Variants in ATF2 observed in about 807,000 individuals in gnomAD.
ATF2 encodes the protein activating transcription factor 2, also known as cyclic AMP-dependent transcription factor ATF-2.
Under a neutral mutation model 60.6 loss-of-function variants are expected in ATF2, and 24 were observed. The observed-to-expected ratio is 0.40, with a 90% confidence interval of 0.29 to 0.56. The LOEUF (loss-of-function observed/expected upper bound fraction) is 0.56, where lower values mean the gene tolerates loss of function less well. Among genes scored for constraint, ATF2 ranks in the 20% least tolerant of loss-of-function variants. The pLI is 0.54. For synonymous variants in ATF2, 206 were observed against 215.4 expected, an observed-to-expected ratio of 0.96 and a Z score of 0.38; for missense variants, 433 against 607.7, an observed-to-expected ratio of 0.71 and a Z score of 3.02.
intron 12 of ATF2, among the ~76,000 whole-genome samples, chr2:175,081,826 G>T (rs1338850511): frequency 6.6e-6 from 1 of 152,218 alleles, no homozygotes; most frequent in African/African-American, 2.4e-5. Context: ...CGAGGCAGTT[G>T]TATCACTTGA....
chr2:175,118,262 C>T lies in ATF2; in HGVS notation c.307G>A (p.Asp103Asn). Residue 103 changes from aspartate to asparagine, a missense_variant, in exon 6 of 14, where the codon GAC becomes AAC. Asp to Asn is a conservative substitution (Grantham distance 23). Coordinates refer to ENST00000264110, the MANE Select transcript of ATF2 (RefSeq NM_001880.4). ...ENEFKKASEDDIKKMPLDLSP... is the reference protein window; with the variant it reads ...ENEFKKASEDNIKKMPLDLSP... ...TGGTTACAACATACTTTTTTAATGT[C>T]ATCTTCTGAAGCTTTCTTGAATTCA... 1 of 1,606,582 alleles carries T rather than the reference C, an allele frequency of 6.2e-7. No individual in the cohort carries two copies. The highest frequency in any genetic ancestry group is 8.5e-7 in the Non-Finnish European group (1 of 1,176,874).
intron 1 of ATF2, among the ~76,000 whole-genome samples, chr2:175,155,761 T>A (rs1181922812): frequency 1.3e-5 from 2 of 152,184 alleles, no homozygotes; most frequent in Non-Finnish European, 2.9e-5. Context: ...AACTTCCAAC[T>A]GTGAAATGAA....
intron 10 of ATF2, 119 bp downstream of exon 10, chr2:175,111,449 A>G (rs1696182535): frequency 2.2e-6 from 2 of 911,954 alleles, no homozygotes; most frequent in African/African-American, 3.4e-5. Context: ...CTATAGTATA[A>G]AACAGTCCGT....
intron 1 of ATF2, among the ~76,000 whole-genome samples, chr2:175,154,907 AT>A (rs1699572593): frequency 1.3e-5 from 2 of 152,354 alleles, no homozygotes; most frequent in Non-Finnish European, 2.9e-5. Flanking sequence ...TGAGAAAGGA[AT>A]TAATCCTCTC....
At chr2:175,089,192 A>C (rs547182721) in intron 12 of ATF2, among the ~76,000 whole-genome samples, 86 of 151,548 alleles carry the variant, frequency 5.7e-4, no homozygotes, top group Non-Finnish European at 2.6e-4. Context: ...AAAAAAAAAA[A>C]CAATAATTTA....
At chr2:175,085,553 TACACACACACACACACACAC>T (rs56804408) in intron 12 of ATF2, among the ~76,000 whole-genome samples, 1,814 of 141,418 alleles carry the variant, frequency 0.013, 39 homozygotes, top group African/African-American at 0.047. Context: ...ATACATAACA[TACACACACACACACACACAC>T]ACACACACAC....
At chr2:175,143,676 T>A (rs1415583275) in intron 2 of ATF2, among the ~76,000 whole-genome samples, 1 of 152,202 alleles carries the variant, frequency 6.6e-6, no homozygotes, top group African/African-American at 2.4e-5. Flanking sequence ...AACATTTTTG[T>A]CATATTAGTA....
chr2:175,156,298 G>C lies in ATF2; in HGVS notation c.-142-5140C>G, dbSNP rs1269436626. ...AGGCAGGAAAATTGCTTTAACCTGG[G>C]AGGCGGAGGTTGCAGTGAGCCGAGA... On this transcript the variant is annotated intron_variant, in intron 1 of 13. Transcript: ENST00000264110. Among the ~76,000 whole-genome samples the C allele has an allele frequency of 2.0e-5, 3 of 149,712 alleles. No homozygotes were observed. The Admixed American group carries it at 2.0e-4, about 10-fold the overall frequency.
chr2:175,084,159 C>T (rs1205410), intron 12 of ATF2, among the ~76,000 whole-genome samples: 14,544 of 151,974 alleles, frequency 0.096, 777 homozygotes, highest in Middle Eastern at 0.17. Flanking sequence ...ACCCAAAGGA[C>T]TATAAATCAT....
intron 10 of ATF2, among the ~76,000 whole-genome samples, chr2:175,105,496 T>C (rs1695592311): frequency 2.0e-5 from 3 of 152,348 alleles, no homozygotes; most frequent in South Asian, 4.1e-4. Context: ...TTTAAGATCA[T>C]GTCTATTGAA....
At chr2:175,119,141 A>C (rs1437764245) in intron 5 of ATF2, among the ~76,000 whole-genome samples, 1 of 151,712 alleles carries the variant, frequency 6.6e-6, no homozygotes, top group Admixed American at 6.6e-5. Context: ...TATAGGCTAC[A>C]AAAAATGCCA....
chr2:175,106,466 C>T (rs1695672057), intron 10 of ATF2, among the ~76,000 whole-genome samples: 1 of 151,718 alleles, frequency 6.6e-6, no homozygotes, highest in Non-Finnish European at 1.5e-5. Context: ...GGGGAGGCTG[C>T]AGTGAGCCAA....
intron 4 of ATF2, chr2:175,126,803 T>C (rs539862941): frequency 6.6e-6 from 1 of 152,292 alleles, no homozygotes; most frequent in South Asian, 2.1e-4. Flanking sequence ...GTCCAAAGGC[T>C]GGCCCTAGAA....
intron 12 of ATF2, 39 bp downstream of exon 12, chr2:175,093,022 A>C (rs377314158): frequency 6.3e-7 from 1 of 1,583,618 alleles, no homozygotes; most frequent in Non-Finnish European, 8.6e-7. Flanking sequence ...ACAATTATTA[A>C]AAAAGAAATA....
rs781382584 is a variant in ATF2 at position 175,074,458 on chromosome 2, C to T, written c.*151G>A. ...AACCGTTTTTCAGTCTGATCAACTGCTGCTACACCAACTTTAGAGCCAAAT... is the reference window on the plus strand; with the variant it reads ...AACCGTTTTTCAGTCTGATCAACTGTTGCTACACCAACTTTAGAGCCAAAT... On this transcript the variant is annotated 3_prime_UTR_variant, in exon 14 of 14. Coordinates refer to ENST00000264110, the MANE Select transcript of ATF2 (RefSeq NM_001880.4). 201 of 964,788 alleles carry T rather than the reference C, an allele frequency of 2.1e-4. No homozygotes were observed. Among genetic ancestry groups the T allele is most frequent in the Non-Finnish European group, 2.8e-4 (190 of 672,758 alleles). 59.8% of individuals were successfully genotyped at this position (964,788 alleles called of 1,614,324 possible).
intron 4 of ATF2, among the ~76,000 whole-genome samples, chr2:175,129,360 T>C (rs1324576877): frequency 6.6e-6 from 1 of 152,082 alleles, no homozygotes; most frequent in African/African-American, 2.4e-5. Flanking sequence ...TGATTGTATG[T>C]TTACTATCCT....
At chr2:175,091,692 A>C (rs1178472391) in intron 12 of ATF2, among the ~76,000 whole-genome samples, 1 of 151,844 alleles carries the variant, frequency 6.6e-6, no homozygotes, top group Non-Finnish European at 1.5e-5. Context: ...GTGAAACCCC[A>C]TCTCTACTAA....
At chr2:175,151,278 T>A (rs1448431809) in intron 1 of ATF2, 120 bp from the exon 2 acceptor site, 1 of 152,148 alleles carries the variant, frequency 6.6e-6, no homozygotes, top group South Asian at 2.1e-4. Flanking sequence ...ATTTCAAAAA[T>A]GTATGTAAAT....
At chr2:175,140,402 T>C (rs980061881) in intron 2 of ATF2, among the ~76,000 whole-genome samples, 3 of 152,206 alleles carry the variant, frequency 2.0e-5, no homozygotes, top group Non-Finnish European at 4.4e-5. Flanking sequence ...AATTATATTG[T>C]ATGATTCCAT....
Sources: gnomAD v4.1 joint callset for allele counts (sites outside exome capture counted in the v4.1 genomes callset) on GRCh38, gnomAD v4.1.1 for gene constraint, MANE v1.5 for transcripts, NCBI Gene and HGNC (gene_info 2026-07-23, HGNC 2026-07-21) for gene names.